Variants in ARHGAP29 observed in about 807,000 individuals in gnomAD.
ARHGAP29 encodes rho GTPase-activating protein 29.
Under a neutral mutation model 122.6 loss-of-function variants are expected in ARHGAP29, and 43 were observed. The ratio of observed to expected loss-of-function variants is 0.35; its 90% confidence interval spans 0.27 to 0.45. The LOEUF is 0.45. ARHGAP29 is among the 20% of genes least tolerant of loss of function. The pLI is 1.00. For missense variants in ARHGAP29, 1,303 were observed against 1,477.2 expected (o/e 0.88, Z 1.93); for synonymous variants, 506 against 497.1 (o/e 1.02, Z -0.24).
chr1:94,204,078 A>C (rs902372020), intron 7 of ARHGAP29, 84 bp from the exon 8 acceptor site: 12 of 1,045,002 alleles, frequency 1.1e-5, no homozygotes, highest in African/African-American at 1.6e-5. Context: ...TAGTAATTCC[A>C]CAATTAAGAA....
Position 94,231,684 on chromosome 1 carries a change from G to C in ARHGAP29, c.-32-41C>G, listed in dbSNP as rs1652928362. On this transcript the variant is annotated intron_variant, in intron 1 of 22. Transcript: ENST00000260526. Reference sequence around the variant, plus strand: ...AACAAAACAAAAACAAGCGAGGAGAGAGAAAGAAACACAAAAACTAAATCA... The same window carrying C: ...AACAAAACAAAAACAAGCGAGGAGACAGAAAGAAACACAAAAACTAAATCA... 3.4e-6 allele frequency: 5 copies of C among 1,461,688 alleles called. No individual in the cohort carries two copies. In the South Asian group the frequency reaches 6.4e-5, roughly 19 times the overall value. 90.5% of individuals were successfully genotyped at this position (1,461,688 alleles called of 1,614,324 possible).
chr1:94,183,561 A>G (rs994212363), intron 19 of ARHGAP29, among the ~76,000 whole-genome samples: 33 of 152,276 alleles, frequency 2.2e-4, no homozygotes, highest in African/African-American at 7.2e-4. Flanking sequence ...AGCTTATAGG[A>G]CAGTCCTTCC....
intron 19 of ARHGAP29, among the ~76,000 whole-genome samples, chr1:94,183,439 T>A (rs1413480920): frequency 3.3e-5 from 5 of 151,980 alleles, no homozygotes; most frequent in Non-Finnish European, 7.4e-5. Context: ...ATTTATTTCA[T>A]CCCACTGAGT....
chr1:94,234,617 CCTT>C (rs1213235000), intron 1 of ARHGAP29, among the ~76,000 whole-genome samples: 1 of 152,154 alleles, frequency 6.6e-6, no homozygotes, highest in African/African-American at 2.4e-5. Flanking sequence ...TAACATTAAT[CCTT>C]ATATGCATAC....
chr1:94,173,672 G>A lies in ARHGAP29; in HGVS notation c.*197C>T. On this transcript the variant is annotated 3_prime_UTR_variant, in exon 23 of 23. Coordinates refer to ENST00000260526, the MANE Select transcript of ARHGAP29 (RefSeq NM_004815.4). ...TACAGAATTTAAAGATAATTCCAGT[G>A]AGGCACAAATGTGACCCTATCAAAA... The A allele has an allele frequency of 1.8e-6, 1 of 553,958 alleles. No individual in the cohort carries two copies. The highest frequency in any genetic ancestry group is 3.0e-5 in the East Asian group (1 of 33,664). 34.3% of individuals were successfully genotyped at this position (553,958 alleles called of 1,614,324 possible).
the ARHGAP29 span, among the ~76,000 whole-genome samples, chr1:94,298,520 A>G: frequency 1.9e-3 from 293 of 152,242 alleles, no homozygotes; most frequent in African/African-American, 6.4e-3. Flanking sequence ...TGGTCTCTCA[A>G]TTTCTCTCTT....
At chr1:94,257,274 C>T (rs1003463737) in intron 1 of ARHGAP29, among the ~76,000 whole-genome samples, 6 of 151,960 alleles carry the variant, frequency 3.9e-5, no homozygotes, top group East Asian at 1.9e-4. Flanking sequence ...TGGTGGTGCA[C>T]GCCTGTAGTC....
the ARHGAP29 span, among the ~76,000 whole-genome samples, chr1:94,307,425 A>G: frequency 1.1e-4 from 16 of 152,342 alleles, no homozygotes; most frequent in African/African-American, 3.6e-4. Context: ...CAAAACTCCA[A>G]TGGGATTTTA....
intron 1 of ARHGAP29, among the ~76,000 whole-genome samples, chr1:94,246,259 G>A (rs1286799244): frequency 1.3e-5 from 2 of 152,114 alleles, no homozygotes; most frequent in Admixed American, 6.5e-5. Flanking sequence ...GGCAAACTGC[G>A]TAAAGAAATC....
intron 2 of ARHGAP29, among the ~76,000 whole-genome samples, chr1:94,229,785 G>C (rs1318344183): frequency 6.6e-6 from 1 of 151,306 alleles, no homozygotes; most frequent in African/African-American, 2.4e-5. Flanking sequence ...AGTATTCTCT[G>C]AAGTGTCTGC....
chr1:94,298,771 A>G, the ARHGAP29 span, among the ~76,000 whole-genome samples: 1 of 152,260 alleles, frequency 6.6e-6, no homozygotes, highest in African/African-American at 2.4e-5. Context: ...GTTCATTTAC[A>G]TGGTTTCACA....
At chr1:94,229,164 T>C (rs888207819) in intron 2 of ARHGAP29, among the ~76,000 whole-genome samples, 1 of 151,666 alleles carries the variant, frequency 6.6e-6, no homozygotes, top group African/African-American at 2.4e-5. Flanking sequence ...TGGTGATAAC[T>C]CAGAAAAGAA....
At chr1:94,253,082 T>C (rs1350710726) in intron 1 of ARHGAP29, among the ~76,000 whole-genome samples, 2 of 152,102 alleles carry the variant, frequency 1.3e-5, no homozygotes, top group Non-Finnish European at 2.9e-5. Flanking sequence ...ACAATTCTCC[T>C]GCCTCAGCCT....
At position 94,177,835 on chromosome 1, in the gene ARHGAP29, A is replaced by C. The variant is rs1284402890; in HGVS notation, c.2796+17T>G. On this transcript the variant is annotated intron_variant, in intron 21 of 22. Coordinates refer to ENST00000260526, the MANE Select transcript of ARHGAP29 (RefSeq NM_004815.4). Reference sequence around the variant, plus strand: ...TATTACAAAGTTCTAATATAATTCTATAAAGGTCAAACTCACTTCCTTTGA... The same window carrying C: ...TATTACAAAGTTCTAATATAATTCTCTAAAGGTCAAACTCACTTCCTTTGA... 6.3e-7 allele frequency: 1 copy of C among 1,590,982 alleles called. No homozygotes were observed. The highest frequency in any genetic ancestry group is 8.5e-7 in the Non-Finnish European group (1 of 1,171,012).
chr1:94,236,488 CACAGAG>C (rs1254611944), intron 1 of ARHGAP29, among the ~76,000 whole-genome samples: 4 of 152,120 alleles, frequency 2.6e-5, no homozygotes, highest in Non-Finnish European at 2.9e-5. Context: ...GAGATACAGT[CACAGAG>C]ACAGATGGAG....
chr1:94,313,274 C>T, the ARHGAP29 span, among the ~76,000 whole-genome samples: 4 of 152,216 alleles, frequency 2.6e-5, no homozygotes, highest in African/African-American at 9.6e-5. Context: ...GCTTCTTCCT[C>T]TCATTAGGGC....
At chr1:94,247,320 A>G (rs1370676331) in intron 1 of ARHGAP29, among the ~76,000 whole-genome samples, 1 of 151,908 alleles carries the variant, frequency 6.6e-6, no homozygotes, top group Non-Finnish European at 1.5e-5. Flanking sequence ...AGGGGAGGAA[A>G]GTCCACCCGG....
chr1:94,219,586 C>T (rs1652162279), intron 3 of ARHGAP29, among the ~76,000 whole-genome samples: 2 of 152,154 alleles, frequency 1.3e-5, no homozygotes, highest in African/African-American at 4.8e-5. Flanking sequence ...TCATCTAGCC[C>T]ATTATTCCTA....
intron 1 of ARHGAP29, among the ~76,000 whole-genome samples, chr1:94,247,299 G>C (rs556014922): frequency 6.6e-6 from 1 of 152,014 alleles, no homozygotes; most frequent in Non-Finnish European, 1.5e-5. Context: ...ACACGCTCGG[G>C]GAGTCCTGTA....
Sources: allele counts gnomAD v4.1 joint callset (sites outside exome capture counted in the v4.1 genomes callset), GRCh38; gene constraint gnomAD v4.1.1; transcripts MANE v1.5; gene names NCBI Gene and HGNC (gene_info 2026-07-23, HGNC 2026-07-21).